MUC7: variants seen among roughly 807,000 people sequenced by gnomAD.
MUC7 encodes mucin 7, secreted, also known as mucin-7.
Under a neutral mutation model 2.5 loss-of-function variants are expected in MUC7, and 2 were observed. The ratio of observed to expected loss-of-function variants is 0.81; its 90% CI spans 0.33 to 2.55. The LOEUF is 2.55. Among genes scored for constraint, MUC7 ranks in the 30% most tolerant of loss-of-function variants. The pLI, the probability that MUC7 is intolerant of heterozygous loss-of-function variation, is 0.11. For missense variants in MUC7, 408 were observed against 455.6 expected (o/e 0.90, Z 0.95); for synonymous variants, 133 against 173.4 (o/e 0.77, Z 1.83).
chr4:70,437,962 CAT>C (rs1733897258), intron 1 of MUC7, among the ~76,000 whole-genome samples: 1 of 152,060 alleles, frequency 6.6e-6, no homozygotes, highest in Non-Finnish European at 1.5e-5. Context: ...AATAGATGTC[CAT>C]ATATAAAGAG....
chr4:70,435,351 G>A (rs1393496886), intron 1 of MUC7, among the ~76,000 whole-genome samples: 1 of 152,128 alleles, frequency 6.6e-6, no homozygotes. Flanking sequence ...TTCTTTGTAG[G>A]TCTCTAAGAA....
intron 1 of MUC7, among the ~76,000 whole-genome samples, chr4:70,433,985 T>C (rs1220013878): frequency 6.6e-6 from 1 of 152,224 alleles, no homozygotes; most frequent in Non-Finnish European, 1.5e-5. Flanking sequence ...GAGATAATCA[T>C]GTGATTTTTG....
intron 1 of MUC7, among the ~76,000 whole-genome samples, chr4:70,431,755 T>G (rs1045946848): frequency 2.6e-5 from 4 of 152,122 alleles, no homozygotes; most frequent in Non-Finnish European, 4.4e-5. Flanking sequence ...TTTTTATTTT[T>G]TTATTATTAT....
intron 2 of MUC7, among the ~76,000 whole-genome samples, chr4:70,477,748 C>T (rs1560558863): frequency 6.6e-6 from 1 of 152,030 alleles, no homozygotes; most frequent in Non-Finnish European, 1.5e-5. Context: ...ATAACCGTAC[C>T]CACCTTATGA....
chr4:70,480,187 A>G (rs41403345), intron 2 of MUC7, among the ~76,000 whole-genome samples: 1,962 of 152,360 alleles, frequency 0.013, 44 homozygotes, highest in African/African-American at 0.045. Context: ...CATGAATTCT[A>G]TAATTCTAAT....
intron 1 of MUC7, among the ~76,000 whole-genome samples, chr4:70,461,727 TA>T (rs1394961797): frequency 1.3e-5 from 2 of 152,024 alleles, no homozygotes; most frequent in Non-Finnish European, 2.9e-5. Context: ...GCTCTCCGCT[TA>T]CCTTTTAAGA....
At chr4:70,454,288 A>T (rs1577905021) in intron 1 of MUC7, among the ~76,000 whole-genome samples, 1 of 152,336 alleles carries the variant, frequency 6.6e-6, no homozygotes, top group African/African-American at 2.4e-5. Flanking sequence ...TACTTTAGCC[A>T]GCGATGGCAA....
intron 1 of MUC7, among the ~76,000 whole-genome samples, chr4:70,431,128 G>A (rs1025202419): frequency 6.6e-6 from 1 of 152,008 alleles, no homozygotes; most frequent in Non-Finnish European, 1.5e-5. Context: ...AAGAAAAAAA[G>A]ACCACAAAAA....
intron 2 of MUC7, among the ~76,000 whole-genome samples, chr4:70,476,731 G>T (rs1349856297): frequency 6.6e-6 from 1 of 152,214 alleles, no homozygotes; most frequent in Non-Finnish European, 1.5e-5. Context: ...AGGTTGCAGT[G>T]AGCCAAGATC....
At chr4:70,435,224 C>G (rs1328887476) in intron 1 of MUC7, among the ~76,000 whole-genome samples, 5 of 152,098 alleles carry the variant, frequency 3.3e-5, no homozygotes, top group African/African-American at 9.7e-5. Flanking sequence ...CTATTAGATC[C>G]ACTTGGTCCA....
chr4:70,480,295 G>A (rs7667234), intron 2 of MUC7, among the ~76,000 whole-genome samples: 1,946 of 152,280 alleles, frequency 0.013, 43 homozygotes, highest in African/African-American at 0.045. Context: ...CATGAAGCCG[G>A]GGTGGGATAT....
Position 70,473,201 on chromosome 4 carries a change from G to A in MUC7, c.-15-806G>A, listed in dbSNP as rs189622742. Among the ~76,000 whole-genome samples the A allele has an allele frequency of 2.9e-3, 437 of 152,248 alleles. 4 individuals are homozygous for A. The highest frequency in any genetic ancestry group is 9.5e-3 in the African/African-American group (394 of 41,566). On this transcript the variant is annotated intron_variant, in intron 1 of 2. Transcript: ENST00000304887. ...CGTAATCCCAGAATTTTGGGAGGCC[G>A]ATGAGGGTGGATTGCTTGAGCCCAG... is the stretch of plus-strand genomic sequence containing the variant.
chr4:70,450,731 A>G (rs1189615036), intron 1 of MUC7, among the ~76,000 whole-genome samples: 1 of 152,120 alleles, frequency 6.6e-6, no homozygotes, highest in Non-Finnish European at 1.5e-5. Context: ...GAGTGTGTCA[A>G]GAAAGGTTTT....
chr4:70,478,020 C>T (rs2109745851), intron 2 of MUC7, among the ~76,000 whole-genome samples: 1 of 151,710 alleles, frequency 6.6e-6, no homozygotes, highest in Admixed American at 6.6e-5. Context: ...CAACTCTAGT[C>T]TACAATTTCT....
chr4:70,461,475 G>A (rs950480879), intron 1 of MUC7, among the ~76,000 whole-genome samples: 6 of 152,092 alleles, frequency 3.9e-5, no homozygotes, highest in African/African-American at 1.4e-4. Context: ...TATCTTTTGG[G>A]TATACTCTGC....
upstream of MUC7, chr4:70,472,069 C>T (rs1734846910): frequency 6.6e-6 from 1 of 152,228 alleles, no homozygotes; most frequent in Admixed American, 6.5e-5. Context: ...TCTCAGCAAA[C>T]CACAACTATT....
In MUC7 at chr4:70,435,675, T is replaced by C. The variant is rs1258054069; in HGVS notation, c.-93+4988T>C. Among the ~76,000 whole-genome samples the C allele has an allele frequency of 7.9e-5, 12 of 152,388 alleles. 2 individuals are homozygous for C. The highest frequency in any genetic ancestry group is 2.9e-4 in the African/African-American group (12 of 41,592). On this transcript the variant is annotated intron_variant, in intron 1 of 3. Coordinates refer to the MUC7 transcript ENST00000413702. ...TTATCCCATTTGCCAGTCTATTCTTTTAATTGGGGCATTTAGCCCATTTAC... is the reference window on the plus strand; with the variant it reads ...TTATCCCATTTGCCAGTCTATTCTTCTAATTGGGGCATTTAGCCCATTTAC...
intron 1 of MUC7, among the ~76,000 whole-genome samples, chr4:70,446,280 T>G (rs892776486): frequency 3.3e-5 from 5 of 152,226 alleles, no homozygotes; most frequent in African/African-American, 1.2e-4. Flanking sequence ...AACCCTTGTC[T>G]TCATTTGTAA....
chr4:70,433,207 T>TG (rs1198114654), intron 1 of MUC7, among the ~76,000 whole-genome samples: 4 of 152,182 alleles, frequency 2.6e-5, no homozygotes, highest in Admixed American at 1.3e-4. Flanking sequence ...TGTCTGGCTA[T>TG]GGGGTCTCTT....
Sources: allele counts gnomAD v4.1 joint callset (sites outside exome capture counted in the v4.1 genomes callset), GRCh38; gene constraint gnomAD v4.1.1; transcripts MANE v1.5; gene names NCBI Gene and HGNC (gene_info 2026-07-23, HGNC 2026-07-21).